Variants in PHLDB2 observed in about 807,000 individuals in gnomAD.
PHLDB2 encodes the protein pleckstrin homology-like domain family B member 2.
In PHLDB2, 71 loss-of-function variants were observed where a neutral mutation model predicts 123.6. The ratio of observed to expected loss-of-function variants is 0.57; its 90% CI spans 0.47 to 0.70. The LOEUF is 0.70. Ranked by LOEUF, PHLDB2 falls within the 30% of genes least tolerant of loss-of-function variation. PHLDB2 has a pLI of 0.00. For synonymous variants in PHLDB2, 547 were observed against 541.6 expected (o/e 1.01, Z -0.14); for missense variants, 1,446 against 1,519.5 (o/e 0.95, Z 0.80).
intron 1 of PHLDB2, among the ~76,000 whole-genome samples, chr3:111,783,966 T>C (rs4645114): frequency 0.94 from 142,650 of 152,212 alleles, 66,898 homozygotes; most frequent in East Asian, 1. Context: ...ATTGAATAAG[T>C]ATATTAAGGG....
At chr3:111,941,252 A>T (rs2069864629) in intron 8 of PHLDB2, among the ~76,000 whole-genome samples, 1 of 152,216 alleles carries the variant, frequency 6.6e-6, no homozygotes, top group South Asian at 2.1e-4. Flanking sequence ...AGACATTGAA[A>T]AGCAAGCCGT....
rs1385887413 is a variant in PHLDB2 at position 111,814,833 on chromosome 3, T to C, written c.-48-30988T>C. On this transcript the variant is annotated intron_variant, in intron 1 of 17. Transcript: ENST00000393923. ...CCCACTCTCTCAGAAACAAATCCAT[T>C]TTTGAGAGAACTAGTCCAGTCTTAC... Among the ~76,000 whole-genome samples, 7 of 152,228 alleles carry C rather than the reference T, an allele frequency of 4.6e-5. No homozygotes were observed. In the South Asian group the frequency reaches 8.3e-4, roughly 18 times the overall value.
At chr3:111,752,466 G>A (rs1576509880) in intron 1 of PHLDB2, among the ~76,000 whole-genome samples, 1 of 151,824 alleles carries the variant, frequency 6.6e-6, no homozygotes, top group East Asian at 1.9e-4. Context: ...TAGTTTAAAT[G>A]TCAGAATCAG....
chr3:111,950,181 G>A (rs1383281294), intron 10 of PHLDB2, among the ~76,000 whole-genome samples: 2 of 152,128 alleles, frequency 1.3e-5, no homozygotes, highest in Non-Finnish European at 2.9e-5. Context: ...ATCTCAGATA[G>A]TTCTCAAAAT....
intron 1 of PHLDB2, among the ~76,000 whole-genome samples, chr3:111,757,187 T>C (rs2059906707): frequency 6.6e-6 from 1 of 152,244 alleles, no homozygotes; most frequent in Non-Finnish European, 1.5e-5. Flanking sequence ...TTAATCTGAA[T>C]GTTGGCCTGC....
At chr3:111,924,158 T>C (rs2068684431) in intron 5 of PHLDB2, among the ~76,000 whole-genome samples, 1 of 152,250 alleles carries the variant, frequency 6.6e-6, no homozygotes. Flanking sequence ...CCTCATTGGT[T>C]CTGTCTTTCA....
intron 2 of PHLDB2, among the ~76,000 whole-genome samples, chr3:111,848,596 A>C (rs1282008059): frequency 6.6e-6 from 1 of 152,236 alleles, no homozygotes; most frequent in Non-Finnish European, 1.5e-5. Flanking sequence ...AGCCACAGAA[A>C]GCTCTGCCAA....
intron 1 of PHLDB2, among the ~76,000 whole-genome samples, chr3:111,876,667 C>A (rs1033781662): frequency 6.6e-6 from 1 of 151,980 alleles, no homozygotes; most frequent in African/African-American, 2.4e-5. Context: ...GTTTGCTGCA[C>A]CCATCAACCT....
chr3:111,948,434 T>C (rs1480347083), intron 9 of PHLDB2, among the ~76,000 whole-genome samples: 2 of 152,214 alleles, frequency 1.3e-5, no homozygotes, highest in Non-Finnish European at 2.9e-5. Context: ...TAAAACCCAG[T>C]AGCCCTCAGC....
chr3:111,758,016 G>T (rs1438480767), intron 1 of PHLDB2, among the ~76,000 whole-genome samples: 1 of 152,140 alleles, frequency 6.6e-6, no homozygotes, highest in African/African-American at 2.4e-5. Context: ...CCCCTACTGG[G>T]GGGTGCCTCC....
At chr3:111,751,168 G>GGGGTGTGTGTGT (rs752825947) in intron 1 of PHLDB2, among the ~76,000 whole-genome samples, 1 of 144,046 alleles carries the variant, frequency 6.9e-6, no homozygotes, top group African/African-American at 2.6e-5. Flanking sequence ...GAGACAATGG[G>GGGGTGTGTGTGT]GTGTGTGTGT....
intron 1 of PHLDB2, among the ~76,000 whole-genome samples, chr3:111,786,213 A>G (rs2060673816): frequency 6.6e-6 from 1 of 152,214 alleles, no homozygotes; most frequent in Admixed American, 6.5e-5. Context: ...AATACCTAAT[A>G]CACTGTAAAT....
chr3:111,890,842 T>TA (rs1344230287), intron 2 of PHLDB2, among the ~76,000 whole-genome samples: 2 of 152,192 alleles, frequency 1.3e-5, no homozygotes, highest in Non-Finnish European at 2.9e-5. Context: ...GTTCCTTTTT[T>TA]AAAAAAATAA....
At chr3:111,741,537 G>C (rs2059604816) in intron 1 of PHLDB2, among the ~76,000 whole-genome samples, 1 of 151,970 alleles carries the variant, frequency 6.6e-6, no homozygotes, top group Non-Finnish European at 1.5e-5. Context: ...GTGTGTGCAT[G>C]TCTCTGTGTG....
chr3:111,966,488 C>T, intron 13 of PHLDB2, 125 bp from the exon 14 acceptor site: 1 of 503,362 alleles, frequency 2.0e-6, no homozygotes, highest in South Asian at 5.0e-5. Context: ...TGTTATGCAC[C>T]TCCCTTGACC....
chr3:111,804,539 G>A (rs530230064), intron 1 of PHLDB2, among the ~76,000 whole-genome samples: 2 of 152,298 alleles, frequency 1.3e-5, no homozygotes, highest in South Asian at 2.1e-4. Context: ...TCTACGCAGA[G>A]TATAAGATAT....
chr3:111,852,047 ATT>A lies in PHLDB2; in HGVS notation c.67+6113_67+6114del, dbSNP rs2064277915. On this transcript the variant is annotated intron_variant, in intron 2 of 17. Transcript: ENST00000393923. ...CCCTTCACCTGAACTCTTCTGTATC[ATT>A]GTTTTTTAGTATATATTACATTATC... is the stretch of plus-strand genomic sequence containing the variant. Among the ~76,000 whole-genome samples the A allele has an allele frequency of 3.3e-5, 5 of 151,590 alleles. No homozygotes were observed. In the South Asian group the frequency reaches 1.0e-3, roughly 32 times the overall value.
chr3:111,955,258 T>G (rs2070983791), intron 12 of PHLDB2, among the ~76,000 whole-genome samples: 1 of 151,784 alleles, frequency 6.6e-6, no homozygotes, highest in Admixed American at 6.6e-5. Flanking sequence ...AAGAGACATT[T>G]GCAGTGGTAA....
At chr3:111,912,531 G>A (rs2107501845) in intron 2 of PHLDB2, among the ~76,000 whole-genome samples, 1 of 152,036 alleles carries the variant, frequency 6.6e-6, no homozygotes, top group East Asian at 1.9e-4. Flanking sequence ...TAAGAAATTA[G>A]TAGAGAAAGA....
Sources: gnomAD v4.1 joint callset for allele counts (sites outside exome capture counted in the v4.1 genomes callset) on GRCh38, gnomAD v4.1.1 for gene constraint, MANE v1.5 for transcripts, NCBI Gene and HGNC (gene_info 2026-07-23, HGNC 2026-07-21) for gene names.